AGBL1: variants seen among roughly 807,000 people sequenced by gnomAD.
AGBL1 encodes the protein AGBL carboxypeptidase 1.
Under a neutral mutation model 118.9 loss-of-function variants are expected in AGBL1, and 130 were observed. The observed-to-expected ratio is 1.09, with a 90% CI of 0.95 to 1.26. AGBL1 has a LOEUF of 1.26. Among genes scored for constraint, AGBL1 ranks in the 50% most tolerant of loss-of-function variants. The probability of loss-of-function intolerance (pLI) is 0.00; values close to 1 mark genes in which losing one functional copy is unlikely to be tolerated. For missense variants in AGBL1, 1,584 were observed against 1,298.1 expected, an observed-to-expected ratio of 1.22 and a Z score of -3.38; for synonymous variants, 555 against 478.9, an observed-to-expected ratio of 1.16 and a Z score of -2.08.
intron 18 of AGBL1, among the ~76,000 whole-genome samples, chr15:86,487,042 G>T (rs2082721953): frequency 6.6e-6 from 1 of 151,986 alleles, no homozygotes; most frequent in Non-Finnish European, 1.5e-5. Flanking sequence ...TATAAAACTG[G>T]CCAGGATCTG....
At chr15:86,635,070 A>G (rs960047862) in intron 21 of AGBL1, among the ~76,000 whole-genome samples, 10 of 152,170 alleles carry the variant, frequency 6.6e-5, no homozygotes, top group Non-Finnish European at 1.5e-4. Context: ...GGAGAAAAGT[A>G]ATTTTTATCA....
intron 24 of AGBL1, among the ~76,000 whole-genome samples, chr15:86,997,592 T>C (rs554395094): frequency 1.3e-5 from 2 of 152,156 alleles, no homozygotes; most frequent in Middle Eastern, 3.2e-3. Context: ...GATGGATCAC[T>C]TGATAGACTG....
At chr15:86,636,890 C>T (rs1208411860) in intron 21 of AGBL1, among the ~76,000 whole-genome samples, 3 of 150,682 alleles carry the variant, frequency 2.0e-5, no homozygotes, top group Non-Finnish European at 4.4e-5. Flanking sequence ...TTTATCAGTG[C>T]CAATTATATA....
intron 18 of AGBL1, among the ~76,000 whole-genome samples, chr15:86,461,316 G>C (rs982358182): frequency 3.3e-5 from 5 of 152,114 alleles, no homozygotes; most frequent in African/African-American, 1.2e-4. Context: ...ATCCATCTGA[G>C]CTATCTTTGA....
intron 18 of AGBL1, among the ~76,000 whole-genome samples, chr15:86,434,294 G>A (rs979171145): frequency 6.6e-6 from 1 of 152,096 alleles, no homozygotes; most frequent in Admixed American, 6.5e-5. Flanking sequence ...TCTAAAAAGT[G>A]AAAAAAGGTC....
chr15:86,926,295 A>T (rs2080538889), intron 23 of AGBL1, among the ~76,000 whole-genome samples: 1 of 152,150 alleles, frequency 6.6e-6, no homozygotes, highest in Non-Finnish European at 1.5e-5. Context: ...CATTATCCTC[A>T]CTACATAAAT....
intron 5 of AGBL1, among the ~76,000 whole-genome samples, chr15:86,189,402 A>G (rs1366311986): frequency 1.3e-5 from 2 of 152,188 alleles, no homozygotes; most frequent in African/African-American, 2.4e-5. Context: ...AATATTAAGT[A>G]TTCCATTGTT....
intron 22 of AGBL1, among the ~76,000 whole-genome samples, chr15:86,881,551 T>C (rs1405163205): frequency 6.6e-6 from 1 of 152,188 alleles, no homozygotes; most frequent in Non-Finnish European, 1.5e-5. Flanking sequence ...CTTGCCGAGG[T>C]TACTGTATTA....
intron 20 of AGBL1, among the ~76,000 whole-genome samples, chr15:86,547,307 C>T (rs1221988372): frequency 6.6e-6 from 1 of 151,970 alleles, no homozygotes; most frequent in Non-Finnish European, 1.5e-5. Flanking sequence ...CATCTTGAAT[C>T]AAAAAAATCT....
chr15:86,191,190 CA>C (rs925364070), intron 5 of AGBL1, among the ~76,000 whole-genome samples: 7 of 150,618 alleles, frequency 4.6e-5, no homozygotes, highest in South Asian at 4.2e-4. Flanking sequence ...ACTAAAAATA[CA>C]AAAAAAATTA....
chr15:87,002,067 C>T (rs898043695), intron 24 of AGBL1, among the ~76,000 whole-genome samples: 2 of 151,914 alleles, frequency 1.3e-5, no homozygotes, highest in Non-Finnish European at 2.9e-5. Flanking sequence ...CCTATGTCCT[C>T]AATGGTATTG....
intron 24 of AGBL1, among the ~76,000 whole-genome samples, chr15:86,992,111 G>A (rs2081341420): frequency 6.6e-6 from 1 of 152,070 alleles, no homozygotes; most frequent in South Asian, 2.1e-4. Flanking sequence ...TTCTACTCAT[G>A]GCAGAAGGGG....
chr15:86,343,591 T>C (rs1012157934), intron 17 of AGBL1, among the ~76,000 whole-genome samples: 1 of 152,206 alleles, frequency 6.6e-6, no homozygotes, highest in Non-Finnish European at 1.5e-5. Context: ...CAAATAGCAT[T>C]GAAATCATGT....
intron 5 of AGBL1, among the ~76,000 whole-genome samples, chr15:86,181,749 TTAAAG>T (rs764890372): frequency 2.0e-5 from 3 of 152,044 alleles, no homozygotes; most frequent in Non-Finnish European, 4.4e-5. Context: ...AGTAAAATCT[TTAAAG>T]AAGGATACCA....
In AGBL1 at chr15:86,557,289, G is replaced by A. The variant is rs570026038; in HGVS notation, c.2994+2752G>A. 6.0e-4 allele frequency among the ~76,000 whole-genome samples: 91 copies of A among 152,138 alleles called. 2 individuals carry two copies. The highest frequency in any genetic ancestry group is 4.7e-4 in the Non-Finnish European group (32 of 68,028). On this transcript the variant is annotated intron_variant, in intron 21 of 22. Coordinates refer to ENST00000614907, the MANE Select transcript of AGBL1 (RefSeq NM_001386094.1). ...GGGCTCATTTTTTTAGAGGCATCCC[G>A]TCCATGTGGACAGCTGTGGGCTTCA...
At chr15:86,554,564 C>A in intron 21 of AGBL1, 27 bp downstream of exon 21, 2 of 1,441,070 alleles carry the variant, frequency 1.4e-6, no homozygotes, top group South Asian at 1.6e-5. Context: ...GACACCCATA[C>A]TTTCTGTCCA....
intron 22 of AGBL1, among the ~76,000 whole-genome samples, chr15:86,882,753 G>A (rs1038584231): frequency 2.0e-5 from 3 of 152,082 alleles, no homozygotes; most frequent in Non-Finnish European, 4.4e-5. Context: ...GTAACTAAAC[G>A]ACAACTCACT....
At chr15:86,662,246 A>G (rs1379445728) in intron 21 of AGBL1, among the ~76,000 whole-genome samples, 1 of 152,260 alleles carries the variant, frequency 6.6e-6, no homozygotes, top group African/African-American at 2.4e-5. Flanking sequence ...GTAATATTAC[A>G]TACTGCATAG....
chr15:86,388,375 ATACTG>A (rs530885360), intron 17 of AGBL1, among the ~76,000 whole-genome samples: 72 of 152,224 alleles, frequency 4.7e-4, no homozygotes, highest in Admixed American at 9.2e-4. Flanking sequence ...TATTAAAAGA[ATACTG>A]AAGGAACCAA....
Sources: allele counts gnomAD v4.1 joint callset (sites outside exome capture counted in the v4.1 genomes callset), GRCh38; gene constraint gnomAD v4.1.1; transcripts MANE v1.5; gene names NCBI Gene and HGNC (gene_info 2026-07-23, HGNC 2026-07-21).